Variants in NTM observed in about 807,000 individuals in gnomAD.
NTM encodes the protein neurotrimin, also known as IgLON family member 2.
A neutral mutation model predicts 42.1 loss-of-function variants in NTM; 13 were observed. The ratio of observed to expected loss-of-function variants is 0.31; its 90% CI spans 0.20 to 0.49. The LOEUF is 0.49. Ranked by LOEUF, NTM falls within the 20% of genes least tolerant of loss-of-function variation. The pLI, the probability that NTM is intolerant of heterozygous loss-of-function variation, is 0.99. For missense variants in NTM, 373 were observed against 452.8 expected, an observed-to-expected ratio of 0.82 and a Z score of 1.60; for synonymous variants, 187 against 179.2, an observed-to-expected ratio of 1.04 and a Z score of -0.35.
chr11:132,281,864 A>G (rs138459316), intron 4 of NTM, among the ~76,000 whole-genome samples: 5 of 152,242 alleles, frequency 3.3e-5, no homozygotes, highest in African/African-American at 1.2e-4. Flanking sequence ...AAATCTTGGA[A>G]TGCTTTCAAT....
At chr11:132,086,111 T>G (rs985770819) in intron 2 of NTM, among the ~76,000 whole-genome samples, 2 of 151,736 alleles carry the variant, frequency 1.3e-5, no homozygotes, top group Admixed American at 6.6e-5. Flanking sequence ...GATCACGAGG[T>G]CAGGAGATCA....
At chr11:132,045,913 TG>T (rs1402331953) in intron 2 of NTM, among the ~76,000 whole-genome samples, 1 of 152,182 alleles carries the variant, frequency 6.6e-6, no homozygotes, top group Non-Finnish European at 1.5e-5. Flanking sequence ...TTGTTTTGGA[TG>T]GGAAAGTAAA....
intron 1 of NTM, among the ~76,000 whole-genome samples, chr11:131,532,242 C>T (rs2051390807): frequency 1.3e-5 from 2 of 152,178 alleles, no homozygotes; most frequent in South Asian, 4.1e-4. Context: ...ATTCTCCACC[C>T]CACTCCTCCA....
intron 2 of NTM, among the ~76,000 whole-genome samples, chr11:131,921,643 G>A (rs1013484485): frequency 2.0e-5 from 3 of 152,070 alleles, no homozygotes; most frequent in South Asian, 2.1e-4. Flanking sequence ...GCAAAGGATC[G>A]TAGATAGGCC....
At chr11:132,054,811 A>G (rs757769681) in intron 2 of NTM, among the ~76,000 whole-genome samples, 5 of 152,236 alleles carry the variant, frequency 3.3e-5, no homozygotes, top group African/African-American at 4.8e-5. Flanking sequence ...TAACCCAAGT[A>G]TCCATCTAGT....
chr11:131,798,068 G>A (rs2091766170), intron 1 of NTM, among the ~76,000 whole-genome samples: 1 of 152,146 alleles, frequency 6.6e-6, no homozygotes, highest in African/African-American at 2.4e-5. Context: ...GACTGCCCAA[G>A]GTTGGCAGCT....
intron 1 of NTM, among the ~76,000 whole-genome samples, chr11:131,488,622 T>A (rs1204528476): frequency 6.6e-6 from 1 of 152,190 alleles, no homozygotes; most frequent in Non-Finnish European, 1.5e-5. Flanking sequence ...GTGGGAGGAA[T>A]TCTTGGAGGC....
chr11:131,543,533 C>T (rs182044549), intron 1 of NTM, among the ~76,000 whole-genome samples: 9 of 152,202 alleles, frequency 5.9e-5, no homozygotes, highest in Admixed American at 3.3e-4. Context: ...AAAGTTGCTA[C>T]AACCAGCACC....
At chr11:132,121,110 G>C (rs1026238922) in intron 2 of NTM, among the ~76,000 whole-genome samples, 1 of 152,144 alleles carries the variant, frequency 6.6e-6, no homozygotes, top group African/African-American at 2.4e-5. Context: ...AGGGGCCAGC[G>C]GTTTCATTCC....
rs184296124 is a variant in NTM at position 131,996,153 on chromosome 11, A to G, written c.167+84505A>G. ...ATTTGGACTTTCTCTTATGGGTTGC[A>G]TCACACATCTGAAGAGTTTTCAGTA... On this transcript the variant is annotated intron_variant, in intron 2 of 8. Transcript: ENST00000683400. 2.9e-3 allele frequency among the ~76,000 whole-genome samples: 437 copies of G among 152,298 alleles called. 4 individuals carry two copies. Among genetic ancestry groups the G allele is most frequent in the African/African-American group, 9.9e-3 (413 of 41,560 alleles).
At chr11:131,970,779 AC>A (rs1186926685) in intron 2 of NTM, among the ~76,000 whole-genome samples, 1 of 152,202 alleles carries the variant, frequency 6.6e-6, no homozygotes, top group Non-Finnish European at 1.5e-5. Flanking sequence ...AGTTCATAGC[AC>A]ATCATCATCC....
chr11:132,274,195 T>C (rs2093620943), intron 4 of NTM, among the ~76,000 whole-genome samples: 2 of 152,096 alleles, frequency 1.3e-5, no homozygotes, highest in Non-Finnish European at 2.9e-5. Context: ...ACTTTTTAAA[T>C]TTATTTTTTA....
At chr11:131,380,992 G>T (rs944822528) in intron 1 of NTM, among the ~76,000 whole-genome samples, 8 of 152,084 alleles carry the variant, frequency 5.3e-5, no homozygotes, top group Non-Finnish European at 2.9e-5. Flanking sequence ...CCTCCTGGCT[G>T]TAATCAATAA....
intron 1 of NTM, among the ~76,000 whole-genome samples, chr11:131,808,464 T>G (rs548779057): frequency 6.6e-6 from 1 of 152,300 alleles, no homozygotes; most frequent in South Asian, 2.1e-4. Context: ...ATGATGTAAA[T>G]AAGCGTAACT....
At chr11:132,218,502 A>G (rs1426490330) in intron 4 of NTM, among the ~76,000 whole-genome samples, 1 of 152,182 alleles carries the variant, frequency 6.6e-6, no homozygotes, top group East Asian at 1.9e-4. Flanking sequence ...AGAGGGACCT[A>G]GGGCGTAAGG....
chr11:132,283,325 T>A (rs2094080000), intron 4 of NTM, among the ~76,000 whole-genome samples: 1 of 152,122 alleles, frequency 6.6e-6, no homozygotes, highest in Non-Finnish European at 1.5e-5. Flanking sequence ...AAGCTAAACA[T>A]CTGGCAAATT....
At chr11:132,179,336 A>G (rs1429025216) in intron 3 of NTM, among the ~76,000 whole-genome samples, 5 of 152,168 alleles carry the variant, frequency 3.3e-5, no homozygotes, top group Non-Finnish European at 7.3e-5. Flanking sequence ...AATCCTAGGG[A>G]GAGAGGGGCA....
intron 1 of NTM, among the ~76,000 whole-genome samples, chr11:131,897,843 G>T (rs1457801301): frequency 1.3e-5 from 2 of 152,168 alleles, no homozygotes; most frequent in Non-Finnish European, 1.5e-5. Flanking sequence ...GTTTTTAAAA[G>T]ATATTAAAGG....
At chr11:132,086,775 T>G (rs1372673737) in intron 2 of NTM, among the ~76,000 whole-genome samples, 1 of 152,154 alleles carries the variant, frequency 6.6e-6, no homozygotes, top group East Asian at 1.9e-4. Flanking sequence ...AGGTAAAAAA[T>G]ATTTTACCCT....
Sources: allele counts gnomAD v4.1 joint callset (sites outside exome capture counted in the v4.1 genomes callset), GRCh38; gene constraint gnomAD v4.1.1; transcripts MANE v1.5; gene names NCBI Gene and HGNC (gene_info 2026-07-23, HGNC 2026-07-21).